TRIM10: variants seen among roughly 807,000 people sequenced by gnomAD.
TRIM10 encodes the protein tripartite motif-containing protein 10.
Under a neutral mutation model 40.0 loss-of-function variants are expected in TRIM10, and 42 were observed. The ratio of observed to expected loss-of-function variants is 1.05; its 90% CI spans 0.82 to 1.36. The LOEUF (loss-of-function observed/expected upper bound fraction) is 1.36, where lower values mean the gene tolerates loss of function less well. Ranked by LOEUF, TRIM10 falls within the 40% of genes most tolerant of loss-of-function variation. TRIM10 has a pLI of 0.00. For synonymous variants in TRIM10, 260 were observed against 239.5 expected (o/e 1.09, Z -0.79); for missense variants, 601 against 608.3 (o/e 0.99, Z 0.13).
chr6:30,154,091 C>A lies in TRIM10; in HGVS notation c.1324G>T (p.Val442Leu). 1 of 1,613,034 alleles carries A rather than the reference C, an allele frequency of 6.2e-7. No homozygotes were observed. Residue 442 changes from valine (V) to leucine (L), a missense_variant, in exon 7 of 7, where the codon GTG (valine) becomes TTG (leucine). By Grantham distance (32) the Val-to-Leu change is conservative (BLOSUM62 1). Transcript: ENST00000449742. ...RVSLDYEVGWVTFTNAVTREP... is the reference protein window; with the variant it reads ...RVSLDYEVGWLTFTNAVTREP... The stretch of plus-strand genomic sequence containing the variant: ...CGGGTGACAGCGTTGGTGAAGGTCA[C>A]CCAGCCCACCTCATAGTCAAGAGAC...
In TRIM10 at chr6:30,156,968, G is replaced by A. The variant is rs145172824; in HGVS notation, c.866C>T (p.Pro289Leu). The change falls in exon 5 of 7, where the codon CCG becomes CTG. Residue 289 changes from proline (P) to leucine (L), a missense_variant. Coordinates refer to ENST00000449742, the MANE Select transcript of TRIM10 (RefSeq NM_006778.4). ...RIRDFPQQAL[P>L]LQREMKMFLE... ...AAACATCTTCATCTCCCTCTGCAGC[G>A]GGAGGGCCTGCTGGGGAAAGTCCCG... is the stretch of plus-strand genomic sequence containing the variant. The A allele has an allele frequency of 1.9e-5, 31 of 1,613,052 alleles. No homozygotes were observed. The highest frequency in any genetic ancestry group is 1.5e-4 in the Admixed American group (9 of 60,022).
chr6:30,163,837 G>T, upstream of TRIM10: 6 of 1,612,994 alleles, frequency 3.7e-6, no homozygotes, highest in Non-Finnish European at 5.1e-6. Context: ...CCCAATCCTC[G>T]GGCAAGATCC....
At chr6:30,163,188 C>T (rs1331715734), upstream of TRIM10, 2 of 161,910 alleles carry the variant, frequency 1.2e-5, no homozygotes, top group African/African-American at 4.8e-5. Context: ...GAAGTCCACA[C>T]CTCTCACTCC....
upstream of TRIM10, chr6:30,163,897 C>T (rs762697971): frequency 6.2e-7 from 1 of 1,612,966 alleles, no homozygotes; most frequent in Non-Finnish European, 8.5e-7. Flanking sequence ...CTCCCATGGC[C>T]CCTGTGCCCC....
At chr6:30,163,484 G>C (rs1447307667), upstream of TRIM10, 4 of 679,624 alleles carry the variant, frequency 5.9e-6, no homozygotes, top group Non-Finnish European at 9.6e-6. Context: ...GTGGTGGCCA[G>C]GGTTCTAGGG....
At chr6:30,163,708 G>C (rs1334585897), upstream of TRIM10, 9 of 1,611,012 alleles carry the variant, frequency 5.6e-6, no homozygotes, top group Non-Finnish European at 7.6e-6. Flanking sequence ...CGTCCCTGAA[G>C]GTGGTCCATG....
At position 30,153,438 on chromosome 6, in the gene TRIM10, C is replaced by T. The variant is rs1175115673; in HGVS notation, c.*531G>A. The T allele has an allele frequency of 7.8e-6, 4 of 515,556 alleles. No individual in the cohort carries two copies. The highest frequency in any genetic ancestry group is 1.4e-5 in the Non-Finnish European group (4 of 289,662). The allele number at this position is 515,556 out of a possible 1,614,324, so 31.9% of individuals were successfully genotyped here. A position where few individuals can be genotyped will look rare whatever the true frequency, so the allele number is the denominator to read the frequency against. On this transcript the variant is annotated 3_prime_UTR_variant, in exon 7 of 7. Transcript: ENST00000449742. ...TTCCTCTTTATGTTTCTCTGTCTTCCCAAGAGCTCTTTCAGATATAGAGCA... is the reference window on the plus strand; with the variant it reads ...TTCCTCTTTATGTTTCTCTGTCTTCTCAAGAGCTCTTTCAGATATAGAGCA...
rs17194446 is a variant in TRIM10 at position 30,160,504 on chromosome 6, C to T, written c.355G>A (p.Val119Met). 4.7e-4 allele frequency: 756 copies of T among 1,614,230 alleles called. 1 individual carries two copies. Among genetic ancestry groups the T allele is most frequent in the Non-Finnish European group, 6.1e-4 (722 of 1,180,044 alleles). The part of the protein sequence containing the change: ...FCEDDEMQLC[V>M]VCREAGEHAT... Reference sequence around the variant, plus strand: ...TGCTCCCCAGCCTCCCGGCACACCACGCACAACTGCATCTCATCATCCTCA... The same window carrying T: ...TGCTCCCCAGCCTCCCGGCACACCATGCACAACTGCATCTCATCATCCTCA... The change falls in exon 1 of 7, where the codon GTG becomes ATG. Residue 119 changes from valine (V) to methionine (M), a missense_variant. By Grantham distance (21) the Val-to-Met change is conservative. Transcript: ENST00000449742.
In TRIM10 at chr6:30,158,501, C is replaced by A. The variant is rs1475005061; in HGVS notation, c.654G>T (p.Arg218=). 1.9e-6 allele frequency: 3 copies of A among 1,613,066 alleles called. No homozygotes were observed. The highest frequency in any genetic ancestry group is 2.5e-6 in the Non-Finnish European group (3 of 1,180,028). ...CAGCAACCAGCAAATCAAATTCATC[C>A]CGTTGCCTCAAGATGTCCCCATCCT... The part of the protein sequence containing the change: ...ESQDGDILRQ[R]DEFDLLVAGE... Residue 218 remains arginine, a synonymous_variant, in exon 3 of 7, where the codon CGG becomes CGT. Transcript: ENST00000449742.
At chr6:30,155,677 T>A (rs763124614) in intron 6 of TRIM10, 50 bp downstream of exon 6, 1 of 1,600,366 alleles carries the variant, frequency 6.2e-7, no homozygotes, top group Non-Finnish European at 8.5e-7. Context: ...AAATTTTCTC[T>A]CCTTTCCGAG....
chr6:30,156,210 T>C (rs1452175654), intron 5 of TRIM10, among the ~76,000 whole-genome samples: 3 of 152,230 alleles, frequency 2.0e-5, no homozygotes, highest in South Asian at 2.1e-4. Context: ...GGTCAGCCTT[T>C]GATTAGAGTG....
rs1350348790 is a variant in TRIM10 at position 30,154,240 on chromosome 6, C to G, written c.1175G>C (p.Gly392Ala). The G allele has an allele frequency of 8.7e-6, 14 of 1,612,938 alleles. No individual in the cohort carries two copies. The highest frequency in any genetic ancestry group is 1.1e-5 in the Non-Finnish European group (13 of 1,180,022). The change falls in exon 7 of 7, where the codon GGG becomes GCG. Residue 392 changes from glycine (G) to alanine (A), a missense_variant. Transcript: ENST00000449742. ...GVVSEDVQRKGELRLRPEEGV... is the reference protein window; with the variant it reads ...GVVSEDVQRKAELRLRPEEGV... ...CTCCTCTGGCCGCAGCCGAAGCTCC[C>G]CCTTCCGCTGCACATCCTCGCTCAC...
At position 30,158,634 on chromosome 6, in the gene TRIM10, G is replaced by A; in HGVS notation, c.526-5C>T. On this transcript the variant is annotated splice_polypyrimidine_tract_variant and splice_region_variant and intron_variant, in intron 2 of 6. Transcript: ENST00000449742. ...TCTCTTGGTGGACACCTGAGTCTGAGGGGGCAGGAGGCAAGCCCAAGAGAA... is the reference window on the plus strand; with the variant it reads ...TCTCTTGGTGGACACCTGAGTCTGAAGGGGCAGGAGGCAAGCCCAAGAGAA... The A allele has an allele frequency of 6.2e-7, 1 of 1,612,040 alleles. No individual in the cohort carries two copies. The highest frequency in any genetic ancestry group is 1.1e-5 in the South Asian group (1 of 91,032).
At chr6:30,161,786 C>T (rs1179050842), upstream of TRIM10, among the ~76,000 whole-genome samples, 4 of 152,092 alleles carry the variant, frequency 2.6e-5, no homozygotes, top group Non-Finnish European at 5.9e-5. Context: ...TCAACATAAA[C>T]GCAAAGTGAG....
chr6:30,159,100 C>A lies in TRIM10; in HGVS notation c.525+50G>T, dbSNP rs527350373. The A allele has an allele frequency of 2.3e-5, 29 of 1,240,890 alleles. No individual in the cohort carries two copies. In the South Asian group the frequency reaches 3.5e-4, roughly 15 times the overall value. The allele number at this position is 1,240,890 out of a possible 1,614,324, so 76.9% of individuals were successfully genotyped here. On this transcript the variant is annotated intron_variant, in intron 2 of 6. Coordinates refer to ENST00000449742, the MANE Select transcript of TRIM10 (RefSeq NM_006778.4). ...CTATGTTGCCTCAGTTTCAGGAAGA[C>A]ACTGGACCCTGAGGAAGGGGAGGAA...
At chr6:30,157,337 GA>G in intron 4 of TRIM10, 31 bp downstream of exon 4, 2 of 1,575,678 alleles carry the variant, frequency 1.3e-6, no homozygotes, top group South Asian at 1.2e-5. Context: ...TATTTATATG[GA>G]AAAAGAAAAG....
upstream of TRIM10, chr6:30,163,673 G>A (rs754750873): frequency 6.3e-7 from 1 of 1,592,020 alleles, no homozygotes; most frequent in Non-Finnish European, 8.6e-7. Flanking sequence ...ACGGGCTGGG[G>A]AAGGCACCGT....
In TRIM10 at chr6:30,156,972, G is replaced by T; in HGVS notation, c.862C>A (p.Leu288Ile). 2 of 1,613,086 alleles carry T rather than the reference G, an allele frequency of 1.2e-6. No individual in the cohort carries two copies. Among genetic ancestry groups the T allele is most frequent in the Admixed American group, 1.7e-5 (1 of 60,028 alleles). The change falls in exon 5 of 7, where the codon CTC becomes ATC. Residue 288 changes from leucine (L) to isoleucine (I), a missense_variant. Coordinates refer to ENST00000449742, the MANE Select transcript of TRIM10 (RefSeq NM_006778.4). Reference sequence around the variant, plus strand: ...ATCTTCATCTCCCTCTGCAGCGGGAGGGCCTGCTGGGGAAAGTCCCGAATC... The same window carrying T: ...ATCTTCATCTCCCTCTGCAGCGGGATGGCCTGCTGGGGAAAGTCCCGAATC... ...QRIRDFPQQA[L>I]PLQREMKMFL... is the part of the protein sequence containing the mutation.
chr6:30,163,644 G>C, upstream of TRIM10: 1 of 1,563,002 alleles, frequency 6.4e-7, no homozygotes, highest in Non-Finnish European at 8.7e-7. Context: ...ACTCGCGTGG[G>C]CTGAGGAGAC....
Sources: allele counts gnomAD v4.1 joint callset (sites outside exome capture counted in the v4.1 genomes callset), GRCh38; gene constraint gnomAD v4.1.1; transcripts MANE v1.5; gene names NCBI Gene and HGNC (gene_info 2026-07-23, HGNC 2026-07-21).